The following FNIP2 variants were observed in gnomAD, a reference collection of about 807,000 sequenced individuals.
FNIP2 encodes the protein folliculin-interacting protein 2.
A neutral mutation model predicts 108.7 loss-of-function variants in FNIP2; 32 were observed. The observed-to-expected ratio is 0.29, with a 90% CI of 0.22 to 0.40. The LOEUF is 0.40. Ranked by LOEUF, FNIP2 falls within the 10% of genes least tolerant of loss-of-function variation. FNIP2 has a pLI of 1.00. For synonymous variants in FNIP2, 480 were observed against 496.7 expected (o/e 0.97, Z 0.45); for missense variants, 1,202 against 1,381.6 (o/e 0.87, Z 2.06).
intron 1 of FNIP2, chr4:158,806,248 A>T: frequency 7.8e-7 from 1 of 1,289,346 alleles, no homozygotes; most frequent in Non-Finnish European, 1.0e-6. Flanking sequence ...CGTTCAGGAG[A>T]TGTGCGGCGG....
intron 12 of FNIP2, among the ~76,000 whole-genome samples, chr4:158,864,247 G>C (rs1235053178): frequency 2.6e-5 from 4 of 152,052 alleles, no homozygotes; most frequent in Non-Finnish European, 5.9e-5. Context: ...CTGGTCGCTG[G>C]TCTTGAACTG....
intron 1 of FNIP2, among the ~76,000 whole-genome samples, chr4:158,823,960 A>G (rs1178993812): frequency 6.6e-6 from 1 of 152,216 alleles, no homozygotes; most frequent in Non-Finnish European, 1.5e-5. Flanking sequence ...GCTGGGCGTG[A>G]TAACTTAGGG....
At chr4:158,817,633 G>A (rs185739452) in intron 1 of FNIP2, among the ~76,000 whole-genome samples, 1 of 152,042 alleles carries the variant, frequency 6.6e-6, no homozygotes, top group African/African-American at 2.4e-5. Context: ...TGCAACCTCC[G>A]CCTCCCGGGT....
At chr4:158,833,783 A>G (rs747671786) in intron 6 of FNIP2, 155 bp downstream of exon 6, 53 of 1,514,996 alleles carry the variant, frequency 3.5e-5, no homozygotes, top group Non-Finnish European at 4.5e-5. Flanking sequence ...GCCCTCTTCT[A>G]TGTGTTTCCA....
At chr4:158,793,110 C>T (rs764274202) in intron 1 of FNIP2, among the ~76,000 whole-genome samples, 9 of 152,114 alleles carry the variant, frequency 5.9e-5, no homozygotes, top group Non-Finnish European at 7.4e-5. Context: ...GAGAACAACA[C>T]ATTTGTTTTT....
intron 8 of FNIP2, among the ~76,000 whole-genome samples, chr4:158,852,975 T>C (rs1779782529): frequency 6.6e-6 from 1 of 152,104 alleles, no homozygotes; most frequent in South Asian, 2.1e-4. Flanking sequence ...GTGGTCCTCT[T>C]ACCCAAAAAA....
At chr4:158,871,856 G>A (rs1203391209) in intron 14 of FNIP2, 32 of 985,276 alleles carry the variant, frequency 3.2e-5, no homozygotes, top group Non-Finnish European at 3.9e-5. Flanking sequence ...TGCCCTCATT[G>A]TATAATGCTA....
chr4:158,788,192 C>T (rs924692636), intron 1 of FNIP2, among the ~76,000 whole-genome samples: 4 of 152,188 alleles, frequency 2.6e-5, no homozygotes, highest in African/African-American at 4.8e-5. Context: ...CAGTTACGAC[C>T]GTGCTGGGCG....
intron 1 of FNIP2, among the ~76,000 whole-genome samples, chr4:158,770,986 A>G (rs560876891): frequency 3.9e-5 from 6 of 152,346 alleles, no homozygotes; most frequent in Admixed American, 2.0e-4. Flanking sequence ...TTGAACAAAA[A>G]AAATATGGCT....
intron 3 of FNIP2, among the ~76,000 whole-genome samples, chr4:158,831,274 G>A (rs974449033): frequency 1.3e-5 from 2 of 152,180 alleles, no homozygotes; most frequent in African/African-American, 4.8e-5. Flanking sequence ...AGAGGAAGAG[G>A]AGGCAGGCAG....
chr4:158,769,141 G>A lies in FNIP2; in HGVS notation c.-72G>A, dbSNP rs1292566213. The A allele has an allele frequency of 4.3e-6, 3 of 698,064 alleles. No homozygotes were observed. The highest frequency in any genetic ancestry group is 5.3e-6 in the Non-Finnish European group (3 of 569,168). 43.2% of individuals were successfully genotyped at this position (698,064 alleles called of 1,614,324 possible). A position where few individuals can be genotyped will look rare whatever the true frequency, so the allele number is the denominator to read the frequency against. On this transcript the variant is annotated 5_prime_UTR_variant, in exon 1 of 17. Transcript: ENST00000264433. ...CCGCCGCGATGGCCCCGCCACCGCG[G>A]CCGCCGCCCCCGGCTGCGCGCTGAG... is the stretch of plus-strand genomic sequence containing the variant.
At chr4:158,845,976 C>T (rs1384691334) in intron 7 of FNIP2, among the ~76,000 whole-genome samples, 2 of 152,170 alleles carry the variant, frequency 1.3e-5, no homozygotes, top group Non-Finnish European at 2.9e-5. Flanking sequence ...CTTGTTATGT[C>T]TCTTTTACAA....
chr4:158,868,976 G>T lies in FNIP2; in HGVS notation c.2340G>T (p.Gln780His). Residue 780 changes from glutamine (Q) to histidine (H), a missense_variant, in exon 13 of 17, where the codon CAG becomes CAT. Physicochemically the swap from Gln to His is conservative, Grantham distance 24. Transcript: ENST00000264433. This position sits in a 1 kb window ranked among gnomAD's most constrained non-coding sequence, Gnocchi z 4.6. ...PGFQENVCCP[Q>H]NRLSEGDEGE... The stretch of plus-strand genomic sequence containing the variant: ...TTCAGGAGAATGTTTGCTGTCCTCA[G>T]AATCGGCTTTCAGAGGGGGATGAAG... 1 of 1,613,958 alleles carries T rather than the reference G, an allele frequency of 6.2e-7. No individual in the cohort carries two copies. Among genetic ancestry groups the T allele is most frequent in the Non-Finnish European group, 8.5e-7 (1 of 1,179,896 alleles).
intron 1 of FNIP2, among the ~76,000 whole-genome samples, chr4:158,810,739 A>G (rs1415065591): frequency 6.6e-6 from 1 of 152,232 alleles, no homozygotes; most frequent in Non-Finnish European, 1.5e-5. Context: ...ACTTGTTATT[A>G]ATCACCATAG....
intron 1 of FNIP2, among the ~76,000 whole-genome samples, chr4:158,795,334 C>T (rs1189820469): frequency 6.6e-6 from 1 of 152,184 alleles, no homozygotes; most frequent in East Asian, 1.9e-4. Context: ...TTACTAACTG[C>T]CTGCTCTCTG....
intron 1 of FNIP2, among the ~76,000 whole-genome samples, chr4:158,780,185 G>T (rs896675829): frequency 1.3e-5 from 2 of 151,652 alleles, no homozygotes; most frequent in African/African-American, 4.8e-5. Context: ...TCTAGCCTGG[G>T]TGACAGAGGG....
At chr4:158,859,314 T>C (rs1780155930) in intron 9 of FNIP2, 56 bp downstream of exon 9, 1 of 1,515,196 alleles carries the variant, frequency 6.6e-7, no homozygotes, top group Admixed American at 2.0e-5. Context: ...GCTTTGAAGA[T>C]GGCAGAATTT....
intron 14 of FNIP2, among the ~76,000 whole-genome samples, chr4:158,882,193 C>T (rs182433817): frequency 0.069 from 10,435 of 151,106 alleles, 480 homozygotes; most frequent in Non-Finnish European, 0.1. Flanking sequence ...GCCCAGCAGC[C>T]GCCCCGTCTG....
At chr4:158,859,317 C>T (rs1780156201) in intron 9 of FNIP2, 59 bp downstream of exon 9, 8 of 1,507,116 alleles carry the variant, frequency 5.3e-6, no homozygotes, top group Non-Finnish European at 7.2e-6. Flanking sequence ...TTGAAGATGG[C>T]AGAATTTCTT....
Sources: gnomAD v4.1 joint callset for allele counts (sites outside exome capture counted in the v4.1 genomes callset) on GRCh38, gnomAD v4.1.1 for gene constraint, Gnocchi (gnomAD v3.1) non-coding constraint, MANE v1.5 for transcripts, NCBI Gene and HGNC (gene_info 2026-07-23, HGNC 2026-07-21) for gene names.